Variants in SPAG16 observed in about 807,000 individuals in gnomAD.
SPAG16 encodes sperm-associated antigen 16 protein.
Under a neutral mutation model 80.4 loss-of-function variants are expected in SPAG16, and 86 were observed. The observed-to-expected ratio is 1.07, with a 90% confidence interval of 0.90 to 1.28. The LOEUF (loss-of-function observed/expected upper bound fraction) is 1.28. Ranked by LOEUF, SPAG16 falls within the 50% of genes most tolerant of loss-of-function variation. The pLI, the probability that SPAG16 is intolerant of heterozygous loss-of-function variation, is 0.00. For missense variants in SPAG16, 870 were observed against 765.3 expected (o/e 1.14, Z -1.61); for synonymous variants, 294 against 265.9 (o/e 1.11, Z -1.03).
chr2:213,288,950 G>C (rs1410338810), intron 1 of SPAG16, among the ~76,000 whole-genome samples: 2 of 152,102 alleles, frequency 1.3e-5, no homozygotes, highest in Non-Finnish European at 2.9e-5. Flanking sequence ...GACAGACTAA[G>C]AACTATGTTA....
intron 10 of SPAG16, among the ~76,000 whole-genome samples, chr2:213,573,111 G>A (rs1458599320): frequency 2.6e-5 from 4 of 152,080 alleles, no homozygotes; most frequent in Admixed American, 1.3e-4. Flanking sequence ...CACGGTGCGC[G>A]CACCCACTGG....
At chr2:214,140,384 T>C (rs551167277) in intron 14 of SPAG16, among the ~76,000 whole-genome samples, 1 of 152,194 alleles carries the variant, frequency 6.6e-6, no homozygotes, top group East Asian at 1.9e-4. Flanking sequence ...TTGAAACTTA[T>C]TTTGTGGCTT....
chr2:213,903,654 TG>T (rs2077313170), intron 11 of SPAG16, among the ~76,000 whole-genome samples: 1 of 152,190 alleles, frequency 6.6e-6, no homozygotes, highest in Non-Finnish European at 1.5e-5. Context: ...CTCATTGTCT[TG>T]GGGATTAATT....
chr2:213,708,364 G>A (rs2065844153), intron 10 of SPAG16, among the ~76,000 whole-genome samples: 1 of 152,174 alleles, frequency 6.6e-6, no homozygotes, highest in Non-Finnish European at 1.5e-5. Flanking sequence ...CTTAAGAAGA[G>A]TATGTCAGTG....
chr2:214,008,049 T>A (rs1203284751), intron 12 of SPAG16, among the ~76,000 whole-genome samples: 3 of 152,152 alleles, frequency 2.0e-5, no homozygotes, highest in African/African-American at 7.2e-5. Flanking sequence ...TTATTGAGAC[T>A]GTAATCCATG....
At chr2:213,509,143 C>A (rs1271807976) in intron 10 of SPAG16, among the ~76,000 whole-genome samples, 3 of 151,968 alleles carry the variant, frequency 2.0e-5, no homozygotes, top group Admixed American at 6.6e-5. Context: ...ATTAAAGGCA[C>A]CTGCCACCAC....
chr2:214,202,066 C>T (rs1302974424), intron 15 of SPAG16, among the ~76,000 whole-genome samples: 1 of 152,082 alleles, frequency 6.6e-6, no homozygotes, highest in African/African-American at 2.4e-5. Context: ...AGGCTGGTCA[C>T]AAACTTCTGG....
Position 213,730,124 on chromosome 2 carries a change from A to G in SPAG16, c.1071-132361A>G, listed in dbSNP as rs912441384. Among the ~76,000 whole-genome samples the G allele has an allele frequency of 3.3e-5, 5 of 152,192 alleles. No individual in the cohort carries two copies. The South Asian group carries it at 1.0e-3, about 31-fold the overall frequency. On this transcript the variant is annotated intron_variant, in intron 10 of 15. Transcript: ENST00000331683. ...GGCCTAAATCACTCATTCACAGTTG[A>G]TTAAGCTCGTCCACTTTGCAGATTT...
At chr2:214,322,624 G>C (rs554464686) in intron 15 of SPAG16, among the ~76,000 whole-genome samples, 59 of 152,078 alleles carry the variant, frequency 3.9e-4, no homozygotes, top group Admixed American at 8.5e-4. Flanking sequence ...GAAACATTTG[G>C]CTCTAACAAG....
chr2:214,194,128 A>C (rs548438399), intron 15 of SPAG16, among the ~76,000 whole-genome samples: 2 of 152,114 alleles, frequency 1.3e-5, no homozygotes, highest in Non-Finnish European at 2.9e-5. Context: ...GCAATGCATT[A>C]TATGACCAGT....
rs77643802 is a variant in SPAG16, at chr2:214,008,072, T to C, written c.1401-5879T>C. 4.8e-3 allele frequency among the ~76,000 whole-genome samples: 725 copies of C among 152,270 alleles called. 6 individuals carry two copies. Among genetic ancestry groups the C allele is most frequent in the African/African-American group, 0.016 (665 of 41,562 alleles). On this transcript the variant is annotated intron_variant, in intron 12 of 15. Transcript: ENST00000331683. ...ACTGTAATCCATGGTTTTTCAATAT[T>C]TTTTCTGTTCTTCAAATCAGATAAT... is the stretch of plus-strand genomic sequence containing the variant.
chr2:213,615,566 A>G (rs6744795), intron 10 of SPAG16, among the ~76,000 whole-genome samples: 62,728 of 152,020 alleles, frequency 0.41, 13,544 homozygotes, highest in Middle Eastern at 0.51. Context: ...ACTCCAGCAT[A>G]GGCGACAAAG....
chr2:214,107,558 G>C (rs954298650), intron 13 of SPAG16, among the ~76,000 whole-genome samples: 1 of 152,070 alleles, frequency 6.6e-6, no homozygotes, highest in South Asian at 2.1e-4. Context: ...ATCTTTCCCG[G>C]AAACATTTAA....
chr2:213,304,255 C>A (rs1308217428), intron 3 of SPAG16, among the ~76,000 whole-genome samples: 1 of 151,986 alleles, frequency 6.6e-6, no homozygotes, highest in Non-Finnish European at 1.5e-5. Flanking sequence ...TGTTTGAGCT[C>A]CTTATATATT....
intron 15 of SPAG16, among the ~76,000 whole-genome samples, chr2:214,353,600 C>G (rs1698568280): frequency 3.3e-5 from 5 of 152,044 alleles, no homozygotes. Context: ...ACAAAATACC[C>G]AGTCAGTCAA....
intron 10 of SPAG16, among the ~76,000 whole-genome samples, chr2:213,751,099 CAAT>C (rs748037732): frequency 6.6e-6 from 1 of 151,862 alleles, no homozygotes; most frequent in Middle Eastern, 3.2e-3. Flanking sequence ...ATACAATTAA[CAAT>C]AATATATTTT....
At chr2:213,610,747 G>A (rs1486587214) in intron 10 of SPAG16, among the ~76,000 whole-genome samples, 1 of 152,096 alleles carries the variant, frequency 6.6e-6, no homozygotes, top group East Asian at 1.9e-4. Context: ...TCTACCCTAG[G>A]TACAATGCTT....
Position 214,264,368 on chromosome 2 carries a change from T to C in SPAG16, c.1720+115102T>C, listed in dbSNP as rs932601085. Among the ~76,000 whole-genome samples, 9 of 152,322 alleles carry C rather than the reference T, an allele frequency of 5.9e-5. No homozygotes were observed. The East Asian group carries it at 1.5e-3, about 26-fold the overall frequency. Reference sequence around the variant, plus strand: ...CATTGCAGCCACACTAGCATGGACATGCCAAGTGCATTTCTGCTATGCTCA... The same window carrying C: ...CATTGCAGCCACACTAGCATGGACACGCCAAGTGCATTTCTGCTATGCTCA... On this transcript the variant is annotated intron_variant, in intron 15 of 15. Coordinates refer to ENST00000331683, the MANE Select transcript of SPAG16 (RefSeq NM_024532.5).
At chr2:214,398,965 T>A (rs1336168917) in intron 15 of SPAG16, among the ~76,000 whole-genome samples, 1 of 152,208 alleles carries the variant, frequency 6.6e-6, no homozygotes, top group Non-Finnish European at 1.5e-5. Context: ...GATTCCATAA[T>A]AAACAGATGT....
Sources: allele counts gnomAD v4.1 joint callset (sites outside exome capture counted in the v4.1 genomes callset), GRCh38; gene constraint gnomAD v4.1.1; transcripts MANE v1.5; gene names NCBI Gene and HGNC (gene_info 2026-07-23, HGNC 2026-07-21).